The following ANKRD7 variants were observed in gnomAD, a reference collection of about 807,000 sequenced individuals.
ANKRD7 encodes the protein ankyrin repeat domain-containing protein 7.
ANKRD7 carries 30 observed loss-of-function variants against 30.8 expected under a neutral mutation model. The ratio of observed to expected loss-of-function variants is 0.97; its 90% confidence interval spans 0.73 to 1.32. ANKRD7 has a LOEUF of 1.32. ANKRD7 is among the 40% of genes most tolerant of loss of function. The pLI, the probability that ANKRD7 is intolerant of heterozygous loss-of-function variation, is 0.00. For missense variants in ANKRD7, 264 were observed against 295.7 expected, an observed-to-expected ratio of 0.89 and a Z score of 0.79; for synonymous variants, 97 against 106.6, an observed-to-expected ratio of 0.91 and a Z score of 0.55.
chr7:118,230,384 A>G (rs1261367936), intron 1 of ANKRD7, among the ~76,000 whole-genome samples: 1 of 151,960 alleles, frequency 6.6e-6, no homozygotes, highest in African/African-American at 2.4e-5. Context: ...GCACAGCATT[A>G]TGCAAGATAC....
At chr7:118,227,877 T>A (rs532004878) in intron 1 of ANKRD7, 1 of 1,342,486 alleles carries the variant, frequency 7.4e-7, no homozygotes, top group South Asian at 1.2e-5. Flanking sequence ...GGAAAAGGAT[T>A]TGTATTTAGC....
intron 1 of ANKRD7, among the ~76,000 whole-genome samples, chr7:118,225,591 C>T (rs1403157324): frequency 6.6e-6 from 1 of 152,142 alleles, no homozygotes; most frequent in Non-Finnish European, 1.5e-5. Context: ...CTTTTCCCCA[C>T]CTTACTGTTT....
chr7:118,226,309 TAGAG>T (rs1185493363), intron 1 of ANKRD7, among the ~76,000 whole-genome samples: 2 of 152,154 alleles, frequency 1.3e-5, no homozygotes, highest in Non-Finnish European at 2.9e-5. Flanking sequence ...GAGTTTCTCA[TAGAG>T]AGCATATACA....
chr7:118,234,694 T>C lies in ANKRD7; in HGVS notation c.295-7T>C. 6.2e-7 allele frequency: 1 copy of C among 1,600,508 alleles called. No individual in the cohort carries two copies. On this transcript the variant is annotated splice_polypyrimidine_tract_variant and splice_region_variant and intron_variant, in intron 2 of 6. Coordinates refer to ENST00000265224, the MANE Select transcript of ANKRD7 (RefSeq NM_019644.4). ...TGGTTACTCATCTACTCTTGTTGCA[T>C]TAACAGGCAGTACAGTGTCAAAATG...
At chr7:118,236,973 T>C in intron 5 of ANKRD7, 47 bp downstream of exon 5, 1 of 1,598,096 alleles carries the variant, frequency 6.3e-7, no homozygotes, top group Non-Finnish European at 8.5e-7. Flanking sequence ...GGTTTGATTA[T>C]AAGGATCAAA....
At chr7:118,237,192 A>G (rs1809745130) in intron 5 of ANKRD7, among the ~76,000 whole-genome samples, 1 of 152,230 alleles carries the variant, frequency 6.6e-6, no homozygotes, top group African/African-American at 2.4e-5. Flanking sequence ...ATAGCCATTA[A>G]TAAAACATAT....
chr7:118,239,747 AGTG>A (rs540827303), intron 5 of ANKRD7, 159 bp from the exon 6 acceptor site: 138 of 378,450 alleles, frequency 3.6e-4, no homozygotes, highest in African/African-American at 2.6e-3. Flanking sequence ...ATGAAATAAA[AGTG>A]GTGTCTGTTG....
chr7:118,236,196 T>TTGTGTGTGTGTGTG, intron 4 of ANKRD7, 49 bp downstream of exon 4: 1 of 993,514 alleles, frequency 1.0e-6, no homozygotes, highest in South Asian at 1.5e-5. Context: ...CCTGATAGGA[T>TTGTGTGTGTGTGTG]TGTGTGTGTG....
At chr7:118,235,537 G>C (rs750875765) in intron 3 of ANKRD7, among the ~76,000 whole-genome samples, 3 of 151,344 alleles carry the variant, frequency 2.0e-5, no homozygotes, top group African/African-American at 7.3e-5. Flanking sequence ...GCGTGAACCC[G>C]GGAGGCGGGG....
At chr7:118,229,587 T>A (rs1015831174) in intron 1 of ANKRD7, among the ~76,000 whole-genome samples, 3 of 152,050 alleles carry the variant, frequency 2.0e-5, no homozygotes, top group African/African-American at 7.2e-5. Flanking sequence ...CAGCAATAAA[T>A]GCAATGAATT....
chr7:118,240,804 A>G (rs1809820818), intron 6 of ANKRD7, among the ~76,000 whole-genome samples: 1 of 152,196 alleles, frequency 6.6e-6, no homozygotes, highest in Admixed American at 6.5e-5. Context: ...ATATTTGTAA[A>G]GAATTGAATT....
chr7:118,230,634 G>A (rs1012644860), intron 1 of ANKRD7, among the ~76,000 whole-genome samples: 3 of 142,462 alleles, frequency 2.1e-5, no homozygotes, highest in Middle Eastern at 3.4e-3. Context: ...CTGTTTGAAC[G>A]TGTGTGTGTG....
chr7:118,235,088 C>T (rs1002814128), intron 3 of ANKRD7, among the ~76,000 whole-genome samples: 1 of 152,074 alleles, frequency 6.6e-6, no homozygotes, highest in Non-Finnish European at 1.5e-5. Flanking sequence ...TCCTGACCTC[C>T]AAAGAAACAC....
chr7:118,225,738 CTT>C (rs1196280005), intron 1 of ANKRD7, among the ~76,000 whole-genome samples: 2 of 152,124 alleles, frequency 1.3e-5, no homozygotes, highest in South Asian at 2.1e-4. Context: ...AAACAAGTAA[CTT>C]TTAAATTTTT....
intron 5 of ANKRD7, among the ~76,000 whole-genome samples, 195 bp downstream of exon 5, chr7:118,237,121 TAAAC>T (rs911081175): frequency 6.6e-6 from 1 of 152,136 alleles, no homozygotes; most frequent in African/African-American, 2.4e-5. Context: ...AATATGCAAA[TAAAC>T]TACCAGAGGC....
At position 118,224,810 on chromosome 7, in the gene ANKRD7, A is replaced by G. The variant is rs1192306827; in HGVS notation, c.-21A>G. 6.2e-7 allele frequency: 1 copy of G among 1,602,354 alleles called. No homozygotes were observed. The highest frequency in any genetic ancestry group is 1.8e-5 in the Admixed American group (1 of 56,794). On this transcript the variant is annotated 5_prime_UTR_variant, in exon 1 of 7. Transcript: ENST00000265224. ...TCAAGAAACATCCTGGTCTGAGGGA[A>G]AGGCTGCAGCCTGCACCGCCATGAA...
At chr7:118,234,640 A>G (rs1253952814) in intron 2 of ANKRD7, 61 bp from the exon 3 acceptor site, 3 of 1,564,476 alleles carry the variant, frequency 1.9e-6, no homozygotes, top group Non-Finnish European at 2.6e-6. Context: ...AGTATCAAAC[A>G]TTAATTTATC....
At chr7:118,230,207 A>G (rs1035248995) in intron 1 of ANKRD7, among the ~76,000 whole-genome samples, 1 of 152,026 alleles carries the variant, frequency 6.6e-6, no homozygotes, top group African/African-American at 2.4e-5. Flanking sequence ...AATAAAAGGC[A>G]TCCAAATTGA....
chr7:118,232,528 T>C (rs1383926840), intron 1 of ANKRD7, among the ~76,000 whole-genome samples: 1 of 152,108 alleles, frequency 6.6e-6, no homozygotes, highest in Non-Finnish European at 1.5e-5. Context: ...GGCTATTTTA[T>C]TTTATTGAAT....
Sources: gnomAD v4.1 joint callset for allele counts (sites outside exome capture counted in the v4.1 genomes callset) on GRCh38, gnomAD v4.1.1 for gene constraint, MANE v1.5 for transcripts, NCBI Gene and HGNC (gene_info 2026-07-23, HGNC 2026-07-21) for gene names.